Variants in CSMD1 observed in about 807,000 individuals in gnomAD.
CSMD1 encodes CUB and Sushi multiple domains 1, also known as CUB and sushi domain-containing protein 1.
In CSMD1, 213 loss-of-function variants were observed where a neutral mutation model predicts 417.5. The ratio of observed to expected loss-of-function variants is 0.51; its 90% CI spans 0.46 to 0.57. The LOEUF is 0.57. Ranked by LOEUF, CSMD1 falls within the 20% of genes least tolerant of loss-of-function variation. The pLI is 0.00. For synonymous variants in CSMD1, 2,862 were observed against 1,736.8 expected, an observed-to-expected ratio of 1.65 and a Z score of -16.11; for missense variants, 6,923 against 4,529.7, an observed-to-expected ratio of 1.53 and a Z score of -15.17.
chr8:4,945,353 C>T (rs943493608), intron 1 of CSMD1, among the ~76,000 whole-genome samples: 1 of 152,020 alleles, frequency 6.6e-6, no homozygotes, highest in African/African-American at 2.4e-5. Flanking sequence ...TGTGAAGATA[C>T]ATAACACTTC....
chr8:4,594,792 C>A (rs1366419568), intron 2 of CSMD1, among the ~76,000 whole-genome samples: 2 of 152,150 alleles, frequency 1.3e-5, no homozygotes, highest in Admixed American at 1.3e-4. Context: ...GCAGACATAT[C>A]ATCATATTTC....
chr8:3,697,952 T>G (rs148196321), intron 7 of CSMD1, among the ~76,000 whole-genome samples: 3 of 152,228 alleles, frequency 2.0e-5, no homozygotes, highest in Non-Finnish European at 2.9e-5. Context: ...CTGAAACCAC[T>G]TGAAAAGCAT....
chr8:4,935,807 T>C (rs1045849085), intron 1 of CSMD1, among the ~76,000 whole-genome samples: 15 of 152,236 alleles, frequency 9.9e-5, no homozygotes, highest in African/African-American at 3.6e-4. Flanking sequence ...GAATTGCAAC[T>C]TGAGAGAGTG....
chr8:4,870,220 C>A (rs1278954229), intron 1 of CSMD1, among the ~76,000 whole-genome samples: 1 of 152,134 alleles, frequency 6.6e-6, no homozygotes, highest in Non-Finnish European at 1.5e-5. Flanking sequence ...GGTCCTTCTT[C>A]ATCCCACAAC....
chr8:4,274,127 C>G (rs1284195597), intron 3 of CSMD1, among the ~76,000 whole-genome samples: 1 of 152,122 alleles, frequency 6.6e-6, no homozygotes, highest in African/African-American at 2.4e-5. Flanking sequence ...CCTCCATTAT[C>G]TTAGAAGTGA....
intron 2 of CSMD1, among the ~76,000 whole-genome samples, chr8:4,451,999 T>C (rs1799175752): frequency 6.7e-6 from 1 of 150,260 alleles, no homozygotes; most frequent in South Asian, 2.1e-4. Flanking sequence ...GATATATATA[T>C]AATGAAATAT....
chr8:3,480,744 T>C (rs1029659068), intron 11 of CSMD1, among the ~76,000 whole-genome samples: 1 of 152,134 alleles, frequency 6.6e-6, no homozygotes, highest in Non-Finnish European at 1.5e-5. Flanking sequence ...CCATTTGGGA[T>C]CATGGAGGCC....
At chr8:4,452,896 A>G (rs140739782) in intron 2 of CSMD1, among the ~76,000 whole-genome samples, 2 of 152,224 alleles carry the variant, frequency 1.3e-5, no homozygotes, top group East Asian at 1.9e-4. Flanking sequence ...TTCAGTAGAG[A>G]AGCAACGATG....
intron 10 of CSMD1, among the ~76,000 whole-genome samples, chr8:3,519,791 A>C (rs80037107): frequency 0.022 from 3,260 of 150,648 alleles, 91 homozygotes; most frequent in South Asian, 0.079. Flanking sequence ...ATCATTTAAT[A>C]ATAAATTAAC....
chr8:3,801,482 C>G (rs762575176), intron 5 of CSMD1, among the ~76,000 whole-genome samples: 1 of 152,070 alleles, frequency 6.6e-6, no homozygotes, highest in Non-Finnish European at 1.5e-5. Flanking sequence ...TAGGCACTGG[C>G]AAGGATGTAG....
intron 25 of CSMD1, among the ~76,000 whole-genome samples, chr8:3,304,724 TTTTCTC>T (rs1270955818): frequency 4.1e-4 from 11 of 26,868 alleles, no homozygotes; most frequent in Non-Finnish European, 1.0e-3. Context: ...ATTTTTTTAT[TTTTCTC>T]TTTTTAATTT....
At chr8:4,027,809 A>G (rs1797140925) in intron 4 of CSMD1, among the ~76,000 whole-genome samples, 2 of 151,326 alleles carry the variant, frequency 1.3e-5, no homozygotes, top group African/African-American at 4.9e-5. Context: ...AGGCCAAGAC[A>G]CTTGAAATGA....
chr8:3,458,153 T>A (rs1816275450), intron 12 of CSMD1, among the ~76,000 whole-genome samples: 2 of 152,194 alleles, frequency 1.3e-5, no homozygotes. Context: ...CAGTTTACTT[T>A]GACATGTAAT....
rs554159852 is a variant in CSMD1, at chr8:3,322,720, G to A, written c.3632-14217C>T. 7.2e-5 allele frequency among the ~76,000 whole-genome samples: 11 copies of A among 152,294 alleles called. No individual in the cohort carries two copies. In the East Asian group the frequency reaches 1.9e-3, roughly 27 times the overall value. ...GGCAGTGGAGTCCACAGCCAGTGGG[G>A]CAAGGTTGCCCATCCAGGGCATATC... On this transcript the variant is annotated intron_variant, in intron 23 of 69. Coordinates refer to ENST00000635120, the MANE Select transcript of CSMD1 (RefSeq NM_033225.6).
intron 1 of CSMD1, among the ~76,000 whole-genome samples, chr8:4,936,609 G>A (rs978053557): frequency 2.6e-5 from 4 of 152,218 alleles, no homozygotes; most frequent in African/African-American, 9.6e-5. Flanking sequence ...TGATATATTT[G>A]TCAACACTAA....
At chr8:3,908,700 C>T (rs932676446) in intron 5 of CSMD1, among the ~76,000 whole-genome samples, 9 of 152,108 alleles carry the variant, frequency 5.9e-5, no homozygotes, top group Non-Finnish European at 1.3e-4. Context: ...GTGAAGCAAT[C>T]GCTTAATAGC....
chr8:3,515,393 T>C (rs1289920055), intron 10 of CSMD1: 6 of 152,230 alleles, frequency 3.9e-5, no homozygotes, highest in Non-Finnish European at 8.8e-5. Flanking sequence ...CTTTATGATC[T>C]TGAAAATGTT....
intron 3 of CSMD1, among the ~76,000 whole-genome samples, chr8:4,199,536 T>G (rs1188513231): frequency 6.6e-6 from 1 of 152,182 alleles, no homozygotes; most frequent in African/African-American, 2.4e-5. Context: ...CGATCATCAG[T>G]ATTGAATCCT....
intron 1 of CSMD1, among the ~76,000 whole-genome samples, chr8:4,638,140 C>T (rs1021204108): frequency 1.3e-5 from 2 of 152,132 alleles, no homozygotes; most frequent in Non-Finnish European, 2.9e-5. Flanking sequence ...CTTTAAAATA[C>T]AGCCTCATCA....
Sources: gnomAD v4.1 joint callset for allele counts (sites outside exome capture counted in the v4.1 genomes callset) on GRCh38, gnomAD v4.1.1 for gene constraint, MANE v1.5 for transcripts, NCBI Gene and HGNC (gene_info 2026-07-23, HGNC 2026-07-21) for gene names.